The following LRRC37A2 variants were observed in gnomAD, a reference collection of about 807,000 sequenced individuals.
LRRC37A2 encodes leucine rich repeat containing 37 member A2, also known as leucine-rich repeat-containing protein 37A2.
Under a neutral mutation model 68.8 loss-of-function variants are expected in LRRC37A2, and 9 were observed. The ratio of observed to expected loss-of-function variants is 0.13; its 90% CI spans 0.08 to 0.23. The LOEUF (loss-of-function observed/expected upper bound fraction) is 0.23, where lower values mean the gene tolerates loss of function less well. Ranked by LOEUF, LRRC37A2 falls within the 10% of genes least tolerant of loss-of-function variation. LRRC37A2 has a pLI of 1.00. For synonymous variants in LRRC37A2, 63 were observed against 367.6 expected (o/e 0.17, Z 9.48); for missense variants, 168 against 950.4 (o/e 0.18, Z 10.82).
the LRRC37A2 span, among the ~76,000 whole-genome samples, chr17:46,752,112 T>C: frequency 2.6e-5 from 4 of 152,206 alleles, no homozygotes; most frequent in Admixed American, 2.0e-4. Flanking sequence ...GGGATCTGTA[T>C]ATTTGTCCCT....
At chr17:46,976,781 T>C in the LRRC37A2 span, among the ~76,000 whole-genome samples, 8 of 151,596 alleles carry the variant, frequency 5.3e-5, no homozygotes, top group Admixed American at 3.3e-4. Context: ...CCCAAACCAC[T>C]GAGGGCAGCC....
At chr17:46,830,964 TA>T in the LRRC37A2 span, 1 of 393,420 alleles carries the variant, frequency 2.5e-6, no homozygotes, top group Non-Finnish European at 4.5e-6. Flanking sequence ...TGCAGGGCCA[TA>T]GTGTCTGGTT....
At chr17:46,537,163 T>C (rs1407839232) in intron 6 of LRRC37A2, among the ~76,000 whole-genome samples, 1 of 7,444 alleles carries the variant, frequency 1.3e-4, no homozygotes, top group Non-Finnish European at 3.0e-4. Context: ...GGATGTCTCT[T>C]TTTTTTTTTT....
the LRRC37A2 span, among the ~76,000 whole-genome samples, chr17:46,816,475 GCACACACACACACACA>G: frequency 1.2e-3 from 166 of 144,346 alleles, no homozygotes; most frequent in African/African-American, 3.4e-3. Context: ...CAGAACACAC[GCACACACACACACACA>G]CACACACACA....
chr17:46,916,912 A>G, the LRRC37A2 span: 2 of 152,178 alleles, frequency 1.3e-5, no homozygotes, highest in South Asian at 4.1e-4. Context: ...AGCCAAACTT[A>G]TCCTTTTATC....
chr17:46,490,818 T>A, the LRRC37A2 span, among the ~76,000 whole-genome samples: 2 of 150,964 alleles, frequency 1.3e-5, no homozygotes, highest in African/African-American at 5.0e-5. Context: ...ACATTAATAT[T>A]TTGGTTCCTC....
the LRRC37A2 span, among the ~76,000 whole-genome samples, chr17:46,905,621 A>ATGACCT: frequency 6.6e-6 from 1 of 152,222 alleles, no homozygotes; most frequent in Non-Finnish European, 1.5e-5. Context: ...GGATTGACCC[A>ATGACCT]TGACCTTGAC....
At chr17:46,837,223 G>A in the LRRC37A2 span, among the ~76,000 whole-genome samples, 6 of 152,168 alleles carry the variant, frequency 3.9e-5, no homozygotes, top group Non-Finnish European at 7.4e-5. Flanking sequence ...TTACAGGCGT[G>A]AGCCACCGTG....
At chr17:46,568,512 A>AG in the LRRC37A2 span, among the ~76,000 whole-genome samples, 62 of 110,760 alleles carry the variant, frequency 5.6e-4, 1 homozygote, top group African/African-American at 1.4e-3. Flanking sequence ...AAAAAAAAAA[A>AG]GAGGGGGGGA....
chr17:46,837,148 G>A, the LRRC37A2 span, among the ~76,000 whole-genome samples: 1 of 152,072 alleles, frequency 6.6e-6, no homozygotes, highest in Non-Finnish European at 1.5e-5. Context: ...TCACCATGTT[G>A]GCCAGGCTGG....
At chr17:46,923,890 T>TA in the LRRC37A2 span, 315 of 396,686 alleles carry the variant, frequency 7.9e-4, 2 homozygotes, top group African/African-American at 4.4e-3. Context: ...GGGCCATACT[T>TA]ACCCTATTTT....
At chr17:46,805,538 AC>A in the LRRC37A2 span, among the ~76,000 whole-genome samples, 1 of 152,186 alleles carries the variant, frequency 6.6e-6, no homozygotes, top group Non-Finnish European at 1.5e-5. Flanking sequence ...TTGCAATTGC[AC>A]TGCAGCCTGG....
chr17:46,773,537 A>G, the LRRC37A2 span: 2 of 1,066,148 alleles, frequency 1.9e-6, no homozygotes, highest in Non-Finnish European at 2.7e-6. Flanking sequence ...CAGTCATGCA[A>G]CCAAATTTAT....
chr17:46,989,194 G>A, the LRRC37A2 span, among the ~76,000 whole-genome samples: 1 of 152,210 alleles, frequency 6.6e-6, no homozygotes, highest in Admixed American at 6.5e-5. Flanking sequence ...AGGACAGAAC[G>A]TGTTGTAGGG....
the LRRC37A2 span, among the ~76,000 whole-genome samples, chr17:46,904,475 TGGATGGA>T: frequency 6.8e-6 from 1 of 146,896 alleles, no homozygotes; most frequent in African/African-American, 2.5e-5. Context: ...GATGGATGGA[TGGATGGA>T]TGGATGGATG....
chr17:47,041,460 T>C, the LRRC37A2 span, among the ~76,000 whole-genome samples: 1 of 102,468 alleles, frequency 9.8e-6, no homozygotes, highest in Non-Finnish European at 2.0e-5. Context: ...CTCTTTTTTT[T>C]TTTTTTTTTT....
the LRRC37A2 span, among the ~76,000 whole-genome samples, chr17:46,502,297 G>T: frequency 6.6e-6 from 1 of 151,066 alleles, no homozygotes; most frequent in East Asian, 1.9e-4. Context: ...CTGTTATCTA[G>T]TTTAAGGGTC....
the LRRC37A2 span, among the ~76,000 whole-genome samples, chr17:46,927,435 T>G: frequency 5.9e-5 from 9 of 152,242 alleles, no homozygotes; most frequent in South Asian, 6.2e-4. Flanking sequence ...GGGTAGTTTT[T>G]GGATTTTGTC....
chr17:46,691,560 A>G, the LRRC37A2 span, among the ~76,000 whole-genome samples: 2 of 150,430 alleles, frequency 1.3e-5, no homozygotes, highest in Non-Finnish European at 2.9e-5. Flanking sequence ...GCGTCATTGC[A>G]CTCCAGCCTG....
Sources: gnomAD v4.1 joint callset for allele counts (sites outside exome capture counted in the v4.1 genomes callset) on GRCh38, gnomAD v4.1.1 for gene constraint, MANE v1.5 for transcripts, NCBI Gene and HGNC (gene_info 2026-07-23, HGNC 2026-07-21) for gene names.